The following PADI4 variants were observed in gnomAD, a reference collection of about 807,000 sequenced individuals.
PADI4 encodes peptidyl arginine deiminase 4.
Under a neutral mutation model 75.0 loss-of-function variants are expected in PADI4, and 62 were observed. The ratio of observed to expected loss-of-function variants is 0.83; its 90% confidence interval spans 0.67 to 1.02. The LOEUF (loss-of-function observed/expected upper bound fraction) is 1.02. PADI4 is among the 50% of genes least tolerant of loss of function. The probability of loss-of-function intolerance (pLI) is 0.00; values close to 1 mark genes in which losing one functional copy is unlikely to be tolerated. For synonymous variants in PADI4, 361 were observed against 348.1 expected (o/e 1.04, Z -0.41); for missense variants, 845 against 850.5 (o/e 0.99, Z 0.08).
chr1:17,328,250 C>A (rs2074147282), intron 1 of PADI4, among the ~76,000 whole-genome samples: 1 of 152,066 alleles, frequency 6.6e-6, no homozygotes, highest in Non-Finnish European at 1.5e-5. Flanking sequence ...TCTCAAACTC[C>A]TGGGTGCAAA....
chr1:17,349,899 C>T (rs1012825619), intron 10 of PADI4, among the ~76,000 whole-genome samples: 2 of 124,392 alleles, frequency 1.6e-5, no homozygotes, highest in East Asian at 7.2e-4. Flanking sequence ...GTTCTTCAAA[C>T]TTGCCTAACG....
intron 1 of PADI4, among the ~76,000 whole-genome samples, chr1:17,320,966 C>T (rs1569995437): frequency 6.6e-6 from 1 of 152,160 alleles, no homozygotes; most frequent in East Asian, 1.9e-4. Flanking sequence ...ATCTCAAGAT[C>T]GTTAACTTAA....
intron 1 of PADI4, among the ~76,000 whole-genome samples, chr1:17,311,744 C>G (rs1041570989): frequency 3.3e-4 from 50 of 152,158 alleles, no homozygotes; most frequent in African/African-American, 1.2e-3. Context: ...CCAGGATGGT[C>G]TCGATCTCCT....
At chr1:17,354,172 G>A (rs182122509) in intron 10 of PADI4, among the ~76,000 whole-genome samples, 1 of 152,068 alleles carries the variant, frequency 6.6e-6, no homozygotes, top group East Asian at 1.9e-4. Context: ...CTTGAACCAG[G>A]GGCGGAGGTT....
At chr1:17,332,501 C>T (rs1002638781) in intron 2 of PADI4, among the ~76,000 whole-genome samples, 4 of 152,154 alleles carry the variant, frequency 2.6e-5, no homozygotes, top group Non-Finnish European at 4.4e-5. Flanking sequence ...CCACTCACCT[C>T]GGCCTCCCAA....
chr1:17,328,604 G>A (rs1010581775), intron 1 of PADI4, among the ~76,000 whole-genome samples: 3 of 151,700 alleles, frequency 2.0e-5, no homozygotes, highest in Admixed American at 2.0e-4. Context: ...TTGTGATCAC[G>A]TCACTGTCCT....
At chr1:17,347,646 C>T (rs2074540445) in intron 9 of PADI4, among the ~76,000 whole-genome samples, 1 of 152,042 alleles carries the variant, frequency 6.6e-6, no homozygotes, top group South Asian at 2.1e-4. Flanking sequence ...CTTGTTTTCT[C>T]ACCTTGAGGA....
chr1:17,355,847 A>AT, intron 11 of PADI4, 136 bp from the exon 12 acceptor site: 1 of 800,536 alleles, frequency 1.2e-6, no homozygotes, highest in Non-Finnish European at 2.1e-6. Flanking sequence ...AGGGGATAAA[A>AT]TAAAGGCATT....
chr1:17,353,893 T>G (rs2074712959), intron 10 of PADI4, among the ~76,000 whole-genome samples: 1 of 152,182 alleles, frequency 6.6e-6, no homozygotes, highest in Admixed American at 6.5e-5. Flanking sequence ...CTGCCATCCC[T>G]GGACTTAAGC....
intron 1 of PADI4, among the ~76,000 whole-genome samples, chr1:17,319,152 C>T (rs1271642617): frequency 1.3e-5 from 2 of 152,192 alleles, no homozygotes; most frequent in Non-Finnish European, 2.9e-5. Flanking sequence ...ATGCCCCTTG[C>T]TTCTTCCTTT....
chr1:17,358,339 G>A (rs71512938), intron 13 of PADI4, among the ~76,000 whole-genome samples: 2,668 of 14,366 alleles, frequency 0.19, 1,089 homozygotes, highest in Middle Eastern at 0.6. Context: ...AGGCCGAGGC[G>A]GGCGGATCAC....
intron 5 of PADI4, among the ~76,000 whole-genome samples, chr1:17,338,908 C>T (rs1490980299): frequency 6.6e-6 from 1 of 152,212 alleles, no homozygotes; most frequent in Non-Finnish European, 1.5e-5. Context: ...ATGTAGTTGG[C>T]CTGGCCCGAT....
At position 17,354,549 on chromosome 1, in the gene PADI4, A is replaced by G; in HGVS notation, c.1172A>G (p.Tyr391Cys). 2.5e-6 allele frequency: 4 copies of G among 1,614,082 alleles called. No individual in the cohort carries two copies. The South Asian group carries it at 3.3e-5, about 13-fold the overall frequency. The change falls in exon 11 of 16, where the codon TAT becomes TGT. Residue 391 changes from tyrosine to cysteine, a missense_variant. Coordinates refer to ENST00000375448, the MANE Select transcript of PADI4 (RefSeq NM_012387.3). ...IKRVMGPDFG[Y>C]VTRGPQTGGI... is the part of the protein sequence containing the mutation. ...CTATCTCAGGGTCCAGATTTTGGCT[A>G]TGTAACTCGAGGGCCCCAAACAGGG...
Position 17,351,985 on chromosome 1 carries a change from GA to G in PADI4, c.1156-2547del, listed in dbSNP as rs2074645249. ...GAGGCGGCCAGGGAGGTGATGGGAG[GA>G]GAGGCAGTCAGGGAGGTGATGGGAG... is the stretch of plus-strand genomic sequence containing the variant. On this transcript the variant is annotated intron_variant, in intron 10 of 15. Coordinates refer to ENST00000375448, the MANE Select transcript of PADI4 (RefSeq NM_012387.3). Among the ~76,000 whole-genome samples the G allele has an allele frequency of 1.1e-4, 6 of 57,140 alleles. 1 individual carries two copies. Among genetic ancestry groups the G allele is most frequent in the South Asian group, 6.3e-4 (1 of 1,576 alleles). The allele number at this position is 57,140 out of a possible 152,430, so 37.5% of individuals were successfully genotyped here. A position where few individuals can be genotyped will look rare whatever the true frequency, so the allele number is the denominator to read the frequency against.
intron 2 of PADI4, among the ~76,000 whole-genome samples, chr1:17,332,801 G>A (rs146421597): frequency 1.1e-3 from 169 of 152,244 alleles, no homozygotes; most frequent in African/African-American, 3.8e-3. Flanking sequence ...GACTATCCAG[G>A]CAGGCTGGGG....
intron 2 of PADI4, among the ~76,000 whole-genome samples, chr1:17,332,268 C>T (rs1484847232): frequency 6.6e-6 from 1 of 152,052 alleles, no homozygotes; most frequent in Non-Finnish European, 1.5e-5. Flanking sequence ...TTTTTTGAGA[C>T]AAGAGTCTCG....
chr1:17,320,193 C>T lies in PADI4; in HGVS notation c.93-10776C>T, dbSNP rs117206413. Among the ~76,000 whole-genome samples, 66 of 152,336 alleles carry T rather than the reference C, an allele frequency of 4.3e-4. No homozygotes were observed. The East Asian group carries it at 0.012, about 29-fold the overall frequency. ...GCATTCCTTGGCTTGTGGCCCCTTCCAGCAACAGCATCACTCTGATCTCTG... is the reference window on the plus strand; with the variant it reads ...GCATTCCTTGGCTTGTGGCCCCTTCTAGCAACAGCATCACTCTGATCTCTG... On this transcript the variant is annotated intron_variant, in intron 1 of 15. Coordinates refer to ENST00000375448, the MANE Select transcript of PADI4 (RefSeq NM_012387.3).
chr1:17,349,205 C>G (rs1414414496), intron 10 of PADI4, among the ~76,000 whole-genome samples: 1 of 152,224 alleles, frequency 6.6e-6, no homozygotes, highest in African/African-American at 2.4e-5. Context: ...CTTTCTGCTG[C>G]TTTCAGTCCT....
At chr1:17,329,020 T>G (rs2074161756) in intron 1 of PADI4, among the ~76,000 whole-genome samples, 1 of 144,694 alleles carries the variant, frequency 6.9e-6, no homozygotes, top group South Asian at 2.1e-4. Context: ...TTAAGATATC[T>G]TAATATAATA....
Sources: allele counts gnomAD v4.1 joint callset (sites outside exome capture counted in the v4.1 genomes callset), GRCh38; gene constraint gnomAD v4.1.1; transcripts MANE v1.5; gene names NCBI Gene and HGNC (gene_info 2026-07-23, HGNC 2026-07-21).